The following ATAD3B variants were observed in gnomAD, a reference collection of about 807,000 sequenced individuals.
ATAD3B encodes ATPase family AAA domain-containing protein 3B.
ATAD3B carries 59 observed loss-of-function variants against 70.2 expected under a neutral mutation model. The observed-to-expected ratio is 0.84, with a 90% CI of 0.68 to 1.04. The LOEUF is 1.04. ATAD3B is among the 50% of genes least tolerant of loss of function. The pLI, the probability that ATAD3B is intolerant of heterozygous loss-of-function variation, is 0.00. For synonymous variants in ATAD3B, 423 were observed against 388.6 expected (o/e 1.09, Z -1.04); for missense variants, 961 against 913.4 (o/e 1.05, Z -0.67).
intron 1 of ATAD3B, among the ~76,000 whole-genome samples, chr1:1,475,295 C>T (rs902236481): frequency 2.6e-5 from 4 of 151,236 alleles, no homozygotes; most frequent in Admixed American, 2.6e-4. Flanking sequence ...CCCTTCTCTC[C>T]TTCCTGGCCT....
chr1:1,488,077 CCT>C (rs763021602), intron 12 of ATAD3B, among the ~76,000 whole-genome samples, 163 bp downstream of exon 12: 2 of 151,974 alleles, frequency 1.3e-5, no homozygotes, highest in African/African-American at 2.4e-5. Context: ...GCCTCAGCCC[CCT>C]GAGTAGCTGG....
intron 7 of ATAD3B, chr1:1,484,703 C>G (rs1640106207): frequency 2.1e-6 from 1 of 470,046 alleles, no homozygotes; most frequent in South Asian, 3.5e-5. Flanking sequence ...AAGGATGTAC[C>G]AGAGGGTGTG....
chr1:1,487,683 C>T (rs1640299012), intron 11 of ATAD3B, among the ~76,000 whole-genome samples, 180 bp from the exon 12 acceptor site: 1 of 151,870 alleles, frequency 6.6e-6, no homozygotes, highest in African/African-American at 2.4e-5. Context: ...GAGACGTGGT[C>T]AGCTGCCCAG....
intron 5 of ATAD3B, among the ~76,000 whole-genome samples, chr1:1,481,907 G>A (rs575938695): frequency 2.0e-5 from 3 of 151,766 alleles, no homozygotes; most frequent in Admixed American, 1.3e-4. Flanking sequence ...TGTTGGTGGC[G>A]TGGGCCGGTC....
chr1:1,481,708 G>A (rs372271878), intron 5 of ATAD3B, among the ~76,000 whole-genome samples: 7 of 147,380 alleles, frequency 4.7e-5, no homozygotes, highest in East Asian at 4.0e-4. Context: ...AGAACTCCGC[G>A]TTCTGGTTTT....
Position 1,497,789 on chromosome 1 carries a change from C to T in ATAD3B, c.*1972C>T, listed in dbSNP as rs1417422289. 1 of 147,346 alleles carries T rather than the reference C, an allele frequency of 6.8e-6. No homozygotes were observed. Among genetic ancestry groups the T allele is most frequent in the Non-Finnish European group, 1.5e-5 (1 of 67,428 alleles). 9.1% of individuals were successfully genotyped at this position (147,346 alleles called of 1,614,324 possible). The stretch of plus-strand genomic sequence containing the variant: ...GCTGAGGCAGGAGACTCGCTTGGAC[C>T]TGGGAGGGAGAGGTTGCAGTGAGCC... On this transcript the variant is annotated 3_prime_UTR_variant, in exon 16 of 16. Transcript: ENST00000673477.
the ATAD3B span, chr1:1,509,353 T>G: frequency 1.3e-5 from 21 of 1,610,056 alleles, 1 homozygote; most frequent in Non-Finnish European, 1.7e-5. Context: ...TCATCCTGAG[T>G]CCATGGGGAG....
At chr1:1,508,647 T>C in the ATAD3B span, among the ~76,000 whole-genome samples, 1 of 151,422 alleles carries the variant, frequency 6.6e-6, no homozygotes, top group African/African-American at 2.5e-5. Context: ...GACCTGAGGC[T>C]GCCTGAAGCG....
At chr1:1,502,961 A>G in the ATAD3B span, among the ~76,000 whole-genome samples, 1 of 150,848 alleles carries the variant, frequency 6.6e-6, no homozygotes, top group Non-Finnish European at 1.5e-5. Flanking sequence ...ACAGTGGCTC[A>G]TGCCTGTAAT....
chr1:1,476,223 G>C (rs567862484), intron 1 of ATAD3B, among the ~76,000 whole-genome samples: 1 of 148,066 alleles, frequency 6.8e-6, no homozygotes, highest in Non-Finnish European at 1.5e-5. Context: ...AGCCCAGTTC[G>C]TGCCTAACCA....
At chr1:1,479,521 A>C in intron 4 of ATAD3B, among the ~76,000 whole-genome samples, 2 of 135,932 alleles carry the variant, frequency 1.5e-5, no homozygotes, top group East Asian at 4.6e-4. Context: ...GACACCCGCA[A>C]ACACACCCCC....
the ATAD3B span, among the ~76,000 whole-genome samples, chr1:1,508,816 G>C: frequency 6.6e-6 from 1 of 151,504 alleles, no homozygotes; most frequent in Non-Finnish European, 1.5e-5. Context: ...GGCCTGTGAG[G>C]GTCAGGGTCT....
chr1:1,479,269 C>T (rs1305389741), intron 4 of ATAD3B, among the ~76,000 whole-genome samples, 161 bp downstream of exon 4: 3 of 147,480 alleles, frequency 2.0e-5, no homozygotes, highest in Non-Finnish European at 4.5e-5. Flanking sequence ...CACCAGCACA[C>T]GTGTACAGGC....
chr1:1,477,437 G>A, intron 2 of ATAD3B, 87 bp downstream of exon 2: 1 of 1,592,068 alleles, frequency 6.3e-7, no homozygotes. Flanking sequence ...GGTGGGTAGG[G>A]CCAGGGGCGT....
rs1237260662 is a variant in ATAD3B, at chr1:1,495,712, G to C, written c.1842G>C (p.Arg614Ser). Residue 614 changes from arginine (R) to serine (S), a missense_variant, in exon 16 of 16, where the codon AGG (arginine) becomes AGC (serine). This residue lies in a region of ATAD3B where 417 missense variants were observed against 335.0 expected (regional missense o/e 1.24). Transcript: ENST00000673477. ...GCCTTGCCGGCCCCTGCACATTTAG[G>C]ATATGCTCCTGGATGGGGACTGGGC... Reference protein sequence around the residue: ...YPCLAGPCTFRICSWMGTGLC... With the variant: ...YPCLAGPCTFSICSWMGTGLC... 4 of 1,613,358 alleles carry C rather than the reference G, an allele frequency of 2.5e-6. No individual in the cohort carries two copies. The highest frequency in any genetic ancestry group is 3.3e-5 in the Admixed American group (2 of 59,986).
At chr1:1,494,615 CG>C (rs1400767958) in intron 15 of ATAD3B, among the ~76,000 whole-genome samples, 2 of 151,980 alleles carry the variant, frequency 1.3e-5, no homozygotes, top group African/African-American at 4.8e-5. Flanking sequence ...ACGGGCACCA[CG>C]TGGTCATCCC....
chr1:1,473,738 C>G lies in ATAD3B; in HGVS notation c.205+1649C>G, dbSNP rs561327968. Among the ~76,000 whole-genome samples, 9 of 152,184 alleles carry G rather than the reference C, an allele frequency of 5.9e-5. No individual in the cohort carries two copies. In the East Asian group the frequency reaches 7.7e-4, roughly 13 times the overall value. On this transcript the variant is annotated intron_variant, in intron 1 of 15. Coordinates refer to ENST00000673477, the MANE Select transcript of ATAD3B (RefSeq NM_031921.6). ...CTTGACCACCTGACCCCGTGATCCA[C>G]CCGCCTCGACCTCCCAAAGTGATGA...
intron 1 of ATAD3B, among the ~76,000 whole-genome samples, 165 bp downstream of exon 1, chr1:1,472,254 C>T (rs1011632016): frequency 7.9e-5 from 12 of 151,998 alleles, no homozygotes; most frequent in African/African-American, 1.5e-4. Context: ...CCGGGAGGAT[C>T]GGACTCTTTC....
chr1:1,485,179 C>T lies in ATAD3B; in HGVS notation c.906+8C>T, dbSNP rs369674602. ...CTGCGGCACCCCATCCAGGTAGCGG[C>T]GCAGGCCTGGCCCTCCCTGAGTGCA... On this transcript the variant is annotated splice_region_variant and intron_variant, in intron 8 of 15. Coordinates refer to ENST00000673477, the MANE Select transcript of ATAD3B (RefSeq NM_031921.6). 649 of 1,609,562 alleles carry T rather than the reference C, an allele frequency of 4.0e-4. 4 individuals carry two copies. The highest frequency in any genetic ancestry group is 5.3e-4 in the Non-Finnish European group (620 of 1,179,252).
Sources: allele counts gnomAD v4.1 joint callset (sites outside exome capture counted in the v4.1 genomes callset), GRCh38; gene constraint gnomAD v4.1.1; regional missense constraint gnomAD v4.1.1; transcripts MANE v1.5; gene names NCBI Gene and HGNC (gene_info 2026-07-23, HGNC 2026-07-21).